The following ARHGAP24 variants were observed in gnomAD, a reference collection of about 807,000 sequenced individuals.
ARHGAP24 encodes Rho GTPase activating protein 24, also known as rho GTPase-activating protein 24.
A neutral mutation model predicts 76.4 loss-of-function variants in ARHGAP24; 50 were observed. The ratio of observed to expected loss-of-function variants is 0.65; its 90% CI spans 0.52 to 0.83. ARHGAP24 has a LOEUF of 0.83. ARHGAP24 is among the 40% of genes least tolerant of loss of function. ARHGAP24 has a pLI of 0.00. For missense variants in ARHGAP24, 930 were observed against 914.2 expected, an observed-to-expected ratio of 1.02 and a Z score of -0.22; for synonymous variants, 345 against 323.3, an observed-to-expected ratio of 1.07 and a Z score of -0.72.
At chr4:85,644,892 G>T (rs1476582578) in intron 2 of ARHGAP24, among the ~76,000 whole-genome samples, 3 of 152,056 alleles carry the variant, frequency 2.0e-5, no homozygotes, top group Non-Finnish European at 2.9e-5. Flanking sequence ...CAGTCTGACA[G>T]ATATGTGCTT....
chr4:85,772,601 T>G (rs1418159708), intron 3 of ARHGAP24, among the ~76,000 whole-genome samples: 1 of 152,182 alleles, frequency 6.6e-6, no homozygotes, highest in Non-Finnish European at 1.5e-5. Context: ...TCGTTTCCAC[T>G]GGCTGTCCTA....
intron 1 of ARHGAP24, among the ~76,000 whole-genome samples, chr4:85,517,611 C>T (rs908865063): frequency 1.3e-5 from 2 of 151,948 alleles, no homozygotes; most frequent in Non-Finnish European, 2.9e-5. Context: ...TTTCATGTTG[C>T]CTTGACATTT....
At position 85,995,557 on chromosome 4, in the gene ARHGAP24, G is replaced by A. The variant is rs1355525513; in HGVS notation, c.1903G>A (p.Gly635Ser). The A allele has an allele frequency of 6.2e-7, 1 of 1,612,534 alleles. No homozygotes were observed. Among genetic ancestry groups the A allele is most frequent in the Non-Finnish European group, 8.5e-7 (1 of 1,179,078 alleles). The change falls in exon 9 of 10, where the codon GGC becomes AGC. Residue 635 changes from glycine to serine, a missense_variant. Coordinates refer to ENST00000395184, the MANE Select transcript of ARHGAP24 (RefSeq NM_001025616.3). ...SSSDNSETFVGNSSSNHSALH... is the reference protein window; with the variant it reads ...SSSDNSETFVSNSSSNHSALH... ...CAGTGACAACAGTGAGACATTTGTG[G>A]GCAACAGCAGCAGCAACCACAGTGC...
Position 85,994,763 on chromosome 4 carries a change from C to G in ARHGAP24, c.1109C>G (p.Pro370Arg). ...GAGAACAATAACACCAAGGACAGCC[C>G]TAGTAGGCAGTGCTCCTGGGACAAG... ...NKENNNTKDS[P>R]SRQCSWDKSE... The change falls in exon 9 of 10, where the codon CCT (proline) becomes CGT (arginine). Residue 370 changes from proline (P) to arginine (R), a missense_variant. Physicochemically the swap from Pro to Arg is moderately radical, Grantham distance 103. Transcript: ENST00000395184. 2 of 1,614,054 alleles carry G rather than the reference C, an allele frequency of 1.2e-6. No homozygotes were observed. Among genetic ancestry groups the G allele is most frequent in the South Asian group, 2.2e-5 (2 of 91,070 alleles).
At chr4:85,677,653 CAA>C (rs1044499292) in intron 2 of ARHGAP24, among the ~76,000 whole-genome samples, 6 of 152,012 alleles carry the variant, frequency 3.9e-5, no homozygotes, top group Admixed American at 6.6e-5. Context: ...GTTTGCTGGC[CAA>C]AAGCAAGTGA....
chr4:85,723,638 G>T (rs1047959459), intron 3 of ARHGAP24: 1 of 152,156 alleles, frequency 6.6e-6, no homozygotes, highest in African/African-American at 2.4e-5. Context: ...GATGCTTCCT[G>T]AATTATTAAT....
Position 85,595,630 on chromosome 4 carries a change from T to C in ARHGAP24, c.180+24909T>C, listed in dbSNP as rs1486784708. Among the ~76,000 whole-genome samples the C allele has an allele frequency of 2.6e-5, 4 of 151,902 alleles. No individual in the cohort carries two copies. In the East Asian group the frequency reaches 7.7e-4, roughly 29 times the overall value. On this transcript the variant is annotated intron_variant, in intron 2 of 9. Coordinates refer to ENST00000395184, the MANE Select transcript of ARHGAP24 (RefSeq NM_001025616.3). ...GATGCTGTTAGATAACCAGGATGGG[T>C]GAAGAAATACAAATAAGACTTATGA...
chr4:85,710,502 A>C (rs1724487037), intron 2 of ARHGAP24, among the ~76,000 whole-genome samples: 1 of 152,200 alleles, frequency 6.6e-6, no homozygotes, highest in Non-Finnish European at 1.5e-5. Context: ...TGCACAGCAA[A>C]AGAAACTATC....
chr4:85,732,689 A>T (rs1287840133), intron 3 of ARHGAP24, among the ~76,000 whole-genome samples: 1 of 131,090 alleles, frequency 7.6e-6, no homozygotes, highest in East Asian at 2.2e-4. Context: ...CAAAAATTCA[A>T]ACTTCTTTTT....
chr4:85,585,080 C>A (rs1429138145), intron 2 of ARHGAP24, among the ~76,000 whole-genome samples: 1 of 152,168 alleles, frequency 6.6e-6, no homozygotes, highest in Non-Finnish European at 1.5e-5. Flanking sequence ...GAAATAGCCT[C>A]TTTTAGCTCT....
chr4:85,624,316 A>T (rs1233898347), intron 2 of ARHGAP24, among the ~76,000 whole-genome samples: 2 of 152,122 alleles, frequency 1.3e-5, no homozygotes, highest in African/African-American at 4.8e-5. Context: ...ATTTTGTCAA[A>T]GGCCTTTTCT....
chr4:85,980,239 A>C (rs1739576502), intron 8 of ARHGAP24, among the ~76,000 whole-genome samples: 1 of 152,226 alleles, frequency 6.6e-6, no homozygotes, highest in African/African-American at 2.4e-5. Flanking sequence ...TGCACACTAC[A>C]TGTGTACATA....
intron 2 of ARHGAP24, among the ~76,000 whole-genome samples, chr4:85,663,801 G>T (rs1722501329): frequency 6.6e-6 from 1 of 151,560 alleles, no homozygotes; most frequent in African/African-American, 2.4e-5. Context: ...CTTTGGTTCT[G>T]TTTATATGCT....
intron 5 of ARHGAP24, among the ~76,000 whole-genome samples, chr4:85,944,330 T>C (rs984529458): frequency 3.9e-5 from 6 of 152,198 alleles, no homozygotes; most frequent in African/African-American, 9.6e-5. Context: ...TGGATAAGAG[T>C]AATCCTGATG....
intron 2 of ARHGAP24, among the ~76,000 whole-genome samples, chr4:85,687,762 T>C (rs1304407835): frequency 6.6e-6 from 1 of 152,186 alleles, no homozygotes; most frequent in Non-Finnish European, 1.5e-5. Flanking sequence ...TTATTTCTTT[T>C]CCTTTGGGTA....
At chr4:85,878,662 C>T (rs1733072907) in intron 3 of ARHGAP24, among the ~76,000 whole-genome samples, 1 of 152,016 alleles carries the variant, frequency 6.6e-6, no homozygotes, top group African/African-American at 2.4e-5. Flanking sequence ...GATACATGGA[C>T]CTTGACATTT....
At chr4:85,826,529 G>A (rs1324473802) in intron 3 of ARHGAP24, among the ~76,000 whole-genome samples, 1 of 152,154 alleles carries the variant, frequency 6.6e-6, no homozygotes, top group African/African-American at 2.4e-5. Context: ...TAGCCCACTT[G>A]AAACAAGCAG....
chr4:85,937,505 G>C (rs774335283), intron 4 of ARHGAP24, among the ~76,000 whole-genome samples: 1 of 152,160 alleles, frequency 6.6e-6, no homozygotes, highest in Non-Finnish European at 1.5e-5. Context: ...TTAATATGTA[G>C]TGAAATTAAG....
At chr4:85,886,844 TA>T (rs1733594253) in intron 3 of ARHGAP24, among the ~76,000 whole-genome samples, 1 of 152,150 alleles carries the variant, frequency 6.6e-6, no homozygotes, top group Non-Finnish European at 1.5e-5. Flanking sequence ...AGAGAATGTT[TA>T]AACAAGGATG....
Sources: gnomAD v4.1 joint callset for allele counts (sites outside exome capture counted in the v4.1 genomes callset) on GRCh38, gnomAD v4.1.1 for gene constraint, MANE v1.5 for transcripts, NCBI Gene and HGNC (gene_info 2026-07-23, HGNC 2026-07-21) for gene names.